LETMD1: variants seen among roughly 807,000 people sequenced by gnomAD.
LETMD1 encodes the protein LETM1 domain containing 1.
In LETMD1, 30 loss-of-function variants were observed where a neutral mutation model predicts 43.9. The observed-to-expected ratio is 0.68, with a 90% CI of 0.51 to 0.93. The LOEUF is 0.93. LETMD1 is among the 40% of genes least tolerant of loss of function. LETMD1 has a pLI of 0.00. For synonymous variants in LETMD1, 176 were observed against 163.1 expected (o/e 1.08, Z -0.60); for missense variants, 413 against 447.7 (o/e 0.92, Z 0.70).
At chr12:51,057,163 A>G (rs1173306189) in intron 7 of LETMD1, among the ~76,000 whole-genome samples, 1 of 152,142 alleles carries the variant, frequency 6.6e-6, no homozygotes, top group Non-Finnish European at 1.5e-5. Flanking sequence ...GCTTGAACCC[A>G]GGAGGTGGAT....
At chr12:51,063,331 A>G (rs1937765163), downstream of LETMD1, 1 of 152,638 alleles carries the variant, frequency 6.6e-6, no homozygotes, top group Admixed American at 6.6e-5. Context: ...GGATATCAGA[A>G]TAACCACCGA....
chr12:51,059,849 A>C lies in LETMD1; in HGVS notation c.*418A>C. ...TGGGTTTTTGTTGTTGCTGTTAGAA[A>C]ATTTGTGGCTGGTGAAAACAGCACT... On this transcript the variant is annotated 3_prime_UTR_variant, in exon 9 of 9. Coordinates refer to ENST00000262055, the MANE Select transcript of LETMD1 (RefSeq NM_015416.5). 1 of 174,624 alleles carries C rather than the reference A, an allele frequency of 5.7e-6. No homozygotes were observed. Among genetic ancestry groups the C allele is most frequent in the Non-Finnish European group, 1.2e-5 (1 of 81,390 alleles). 10.8% of individuals were successfully genotyped at this position (174,624 alleles called of 1,614,324 possible).
In LETMD1 at chr12:51,056,157, C is replaced by A. The variant is rs982700361; in HGVS notation, c.674C>A (p.Thr225Asn). 6.2e-7 allele frequency: 1 copy of A among 1,614,176 alleles called. No homozygotes were observed. Among genetic ancestry groups the A allele is most frequent in the Non-Finnish European group, 8.5e-7 (1 of 1,179,984 alleles). The change falls in exon 6 of 9, where the codon ACC (threonine) becomes AAC (asparagine). Residue 225 changes from threonine (T) to asparagine (N), a missense_variant. Coordinates refer to ENST00000262055, the MANE Select transcript of LETMD1 (RefSeq NM_015416.5). ...ACCTCTTCCAAGATACAGCGTGGTA[C>A]CCACCCAGCAATACATGATATCTTG... The part of the protein sequence containing the change: ...TDLCTKIQRG[T>N]HPAIHDILAL...
At chr12:51,053,585 G>T (rs1412762347) in intron 3 of LETMD1, among the ~76,000 whole-genome samples, 193 bp from the exon 4 acceptor site, 2 of 152,196 alleles carry the variant, frequency 1.3e-5, no homozygotes, top group African/African-American at 2.4e-5. Flanking sequence ...AGAGGTTGCA[G>T]TGAGCTAGGA....
chr12:51,054,866 C>T (rs558918816), intron 4 of LETMD1, among the ~76,000 whole-genome samples: 48 of 151,988 alleles, frequency 3.2e-4, no homozygotes, highest in Admixed American at 2.5e-3. Flanking sequence ...TTTGGGAGGC[C>T]GAGGCGGGCA....
chr12:51,048,600 T>C, intron 1 of LETMD1, 122 bp downstream of exon 1: 1 of 1,312,604 alleles, frequency 7.6e-7, no homozygotes, highest in Non-Finnish European at 1.0e-6. Flanking sequence ...ATTTTTATTC[T>C]TCTGTTCAGG....
At chr12:51,064,767 G>A (rs1937946634), downstream of LETMD1, 2 of 1,099,332 alleles carry the variant, frequency 1.8e-6, no homozygotes, top group Non-Finnish European at 2.5e-6. Flanking sequence ...GGGATTTGAG[G>A]TCTCCTTGTA....
Position 51,055,850 on chromosome 12 carries a change from G to A in LETMD1, c.489G>A (p.Arg163=). The A allele has an allele frequency of 6.2e-7, 1 of 1,606,996 alleles. No individual in the cohort carries two copies. The highest frequency in any genetic ancestry group is 8.5e-7 in the Non-Finnish European group (1 of 1,176,534). The change falls in exon 5 of 9, where the codon AGG becomes AGA. Residue 163 remains arginine (R), a synonymous_variant. Coordinates refer to ENST00000262055, the MANE Select transcript of LETMD1 (RefSeq NM_015416.5). The part of the protein sequence containing the change: ...LVFLLMYLFP[R]QLLIRHFWTP... The stretch of plus-strand genomic sequence containing the variant: ...CTCCTTTCAGGTACCTGTTTCCCAG[G>A]CAACTACTGATCAGGCATTTCTGGA...
chr12:51,053,579 G>T (rs1946778590), intron 3 of LETMD1, among the ~76,000 whole-genome samples, 199 bp from the exon 4 acceptor site: 1 of 152,116 alleles, frequency 6.6e-6, no homozygotes, highest in East Asian at 1.9e-4. Flanking sequence ...GGAGGCAGAG[G>T]TTGCAGTGAG....
Position 51,059,496 on chromosome 12 carries a change from C to A in LETMD1, c.*65C>A. 7.1e-7 allele frequency: 1 copy of A among 1,398,830 alleles called. No individual in the cohort carries two copies. The highest frequency in any genetic ancestry group is 1.0e-6 in the Non-Finnish European group (1 of 984,848). The allele number at this position is 1,398,830 out of a possible 1,614,324, so 86.7% of individuals were successfully genotyped here. A position where few individuals can be genotyped will look rare whatever the true frequency, so the allele number is the denominator to read the frequency against. The stretch of plus-strand genomic sequence containing the variant: ...AGTATAGCAGTGCAGGAACAAACAG[C>A]ACTTGCCAGCAAAGTCTGTGTGTAC... On this transcript the variant is annotated 3_prime_UTR_variant, in exon 9 of 9. Coordinates refer to ENST00000262055, the MANE Select transcript of LETMD1 (RefSeq NM_015416.5).
At chr12:51,067,622 A>C in the LETMD1 span, 4 of 1,563,014 alleles carry the variant, frequency 2.6e-6, no homozygotes, top group Admixed American at 6.8e-5. This position sits in a 1 kb window ranked among gnomAD's most constrained non-coding sequence, Gnocchi z 4.1. Flanking sequence ...CCCACACCTC[A>C]CCCCGCTGAC....
At chr12:51,056,551 A>C (rs1473257157) in intron 7 of LETMD1, 49 bp downstream of exon 7, 3 of 1,607,348 alleles carry the variant, frequency 1.9e-6, no homozygotes, top group South Asian at 2.2e-5. Flanking sequence ...TGTGCTTTTG[A>C]GCCTATGGCA....
chr12:51,056,589 CTTGT>C (rs1245006302), intron 7 of LETMD1, 87 bp downstream of exon 7: 1 of 1,296,120 alleles, frequency 7.7e-7, no homozygotes, highest in Admixed American at 1.7e-5. Flanking sequence ...GGCTCCTTGT[CTTGT>C]TTGTTTATAG....
At position 51,054,150 on chromosome 12, in the gene LETMD1, C is replaced by T. The variant is rs554351686; in HGVS notation, c.473+290C>T. On this transcript the variant is annotated intron_variant, in intron 4 of 8. Coordinates refer to ENST00000262055, the MANE Select transcript of LETMD1 (RefSeq NM_015416.5). ...CCATCATCCCTAGAGGCTCTCTCCC[C>T]GAGAGAGAGTACTTTTAGACTAATT... 4.0e-5 allele frequency among the ~76,000 whole-genome samples: 6 copies of T among 151,866 alleles called. No individual in the cohort carries two copies. In the East Asian group the frequency reaches 1.2e-3, roughly 29 times the overall value.
At chr12:51,067,570 T>C in the LETMD1 span, 4 of 1,132,800 alleles carry the variant, frequency 3.5e-6, no homozygotes, top group East Asian at 7.1e-5. The surrounding 1 kb of genome is among the most constrained non-coding windows in gnomAD (Gnocchi z 4.1). Context: ...TTCACAACCA[T>C]AGGGAATCCA....
chr12:51,056,308 T>C, intron 6 of LETMD1, 42 bp from the exon 7 acceptor site: 1 of 1,613,946 alleles, frequency 6.2e-7, no homozygotes, highest in Non-Finnish European at 8.5e-7. Flanking sequence ...TTGCTTGAGC[T>C]CATACTATTT....
In LETMD1 at chr12:51,059,582, C is replaced by T. The variant is rs1280215041; in HGVS notation, c.*151C>T. 1.1e-5 allele frequency: 8 copies of T among 696,968 alleles called. No individual in the cohort carries two copies. The highest frequency in any genetic ancestry group is 2.1e-5 in the Non-Finnish European group (8 of 386,258). The allele number at this position is 696,968 out of a possible 1,614,324, so 43.2% of individuals were successfully genotyped here. On this transcript the variant is annotated 3_prime_UTR_variant, in exon 9 of 9. Transcript: ENST00000262055. ...GCCATGGGCTTCACAGCATGGCACA[C>T]ATGTGGGAACTGCAGACATTCCTCT...
chr12:51,050,843 G>A (rs1228811375), intron 2 of LETMD1, among the ~76,000 whole-genome samples: 2 of 150,692 alleles, frequency 1.3e-5, no homozygotes, highest in Non-Finnish European at 3.0e-5. Flanking sequence ...GAGAAGCACC[G>A]TCTCTACTAA....
At chr12:51,059,134 A>C (rs865981309) in intron 8 of LETMD1, 1 of 512,486 alleles carries the variant, frequency 2.0e-6, no homozygotes. Context: ...TGAATTTTCT[A>C]CTGCAATCAC....
Sources: gnomAD v4.1 joint callset for allele counts (sites outside exome capture counted in the v4.1 genomes callset) on GRCh38, gnomAD v4.1.1 for gene constraint, Gnocchi (gnomAD v3.1) non-coding constraint, MANE v1.5 for transcripts, NCBI Gene and HGNC (gene_info 2026-07-23, HGNC 2026-07-21) for gene names.